DGKI: variants seen among roughly 807,000 people sequenced by gnomAD.
The protein encoded by DGKI is DAG kinase iota.
Under a neutral mutation model 147.5 loss-of-function variants are expected in DGKI, and 55 were observed. The ratio of observed to expected loss-of-function variants is 0.37; its 90% confidence interval spans 0.30 to 0.47. The LOEUF (loss-of-function observed/expected upper bound fraction) is 0.47, where lower values mean the gene tolerates loss of function less well. DGKI is among the 20% of genes least tolerant of loss of function. The pLI is 1.00. For synonymous variants in DGKI, 469 were observed against 477.1 expected (o/e 0.98, Z 0.22); for missense variants, 1,007 against 1,323.8 (o/e 0.76, Z 3.71).
chr7:137,664,919 C>T (rs1323550239), intron 3 of DGKI, among the ~76,000 whole-genome samples: 2 of 151,954 alleles, frequency 1.3e-5, no homozygotes, highest in African/African-American at 2.4e-5. Flanking sequence ...ACAGGTGGAC[C>T]AGGGAAGGTT....
intron 19 of DGKI, among the ~76,000 whole-genome samples, chr7:137,553,342 A>T (rs1525049): frequency 0.11 from 16,620 of 152,204 alleles, 2,046 homozygotes; most frequent in African/African-American, 0.3. Context: ...CTAAACTTCC[A>T]CAAGCTATCT....
At chr7:137,796,755 T>G (rs1486210965) in intron 1 of DGKI, among the ~76,000 whole-genome samples, 4 of 151,946 alleles carry the variant, frequency 2.6e-5, no homozygotes, top group African/African-American at 4.8e-5. Flanking sequence ...GCAATTGAGA[T>G]CATCCAGTTT....
In DGKI at chr7:137,501,753, A is replaced by G. The variant is rs1319954504; in HGVS notation, c.2249-14064T>C. 2.6e-5 allele frequency among the ~76,000 whole-genome samples: 4 copies of G among 152,170 alleles called. No homozygotes were observed. The East Asian group carries it at 5.8e-4, about 22-fold the overall frequency. On this transcript the variant is annotated intron_variant, in intron 21 of 32. Coordinates refer to ENST00000614521, the MANE Select transcript of DGKI (RefSeq NM_001321708.2). Reference sequence around the variant, plus strand: ...TGAGGTTAACACACATGCCAACTACATGAGCTCCCAGATGCTGAATTGAGC... The same window carrying G: ...TGAGGTTAACACACATGCCAACTACGTGAGCTCCCAGATGCTGAATTGAGC...
intron 1 of DGKI, among the ~76,000 whole-genome samples, chr7:137,759,405 G>A (rs112529088): frequency 1.8e-4 from 27 of 151,552 alleles, no homozygotes; most frequent in African/African-American, 5.1e-4. Flanking sequence ...GCGATGGCGC[G>A]ATCTCAGCTC....
intron 8 of DGKI, among the ~76,000 whole-genome samples, chr7:137,617,352 A>G (rs1469715104): frequency 1.3e-5 from 2 of 152,102 alleles, no homozygotes; most frequent in Non-Finnish European, 2.9e-5. Flanking sequence ...TACTAAGGGA[A>G]GCTTAAGAAC....
chr7:137,842,376 A>AT, intron 1 of DGKI, among the ~76,000 whole-genome samples: 1 of 152,306 alleles, frequency 6.6e-6, no homozygotes, highest in Non-Finnish European at 1.5e-5. Context: ...ATAACAGATC[A>AT]TTTTTTACAT....
intron 5 of DGKI, among the ~76,000 whole-genome samples, chr7:137,649,349 T>C (rs1289155465): frequency 6.6e-6 from 1 of 152,206 alleles, no homozygotes; most frequent in African/African-American, 2.4e-5. Context: ...TGAACTGACA[T>C]TGGATTCAGG....
chr7:137,686,658 T>A (rs1823428689), intron 2 of DGKI, among the ~76,000 whole-genome samples: 2 of 152,116 alleles, frequency 1.3e-5, no homozygotes, highest in Non-Finnish European at 2.9e-5. Flanking sequence ...AAGTATTAAG[T>A]TAATGTACCC....
intron 5 of DGKI, among the ~76,000 whole-genome samples, 180 bp from the exon 6 acceptor site, chr7:137,645,717 C>T (rs1032055669): frequency 5.9e-5 from 9 of 152,212 alleles, no homozygotes; most frequent in South Asian, 4.1e-4. Context: ...CAGGCATGAG[C>T]TACTGCACTT....
At chr7:137,628,569 T>C (rs986911639) in intron 6 of DGKI, among the ~76,000 whole-genome samples, 14 of 152,210 alleles carry the variant, frequency 9.2e-5, no homozygotes, top group African/African-American at 1.4e-4. Context: ...TCTGCTAATA[T>C]GGTACTGACA....
chr7:137,776,677 A>T (rs372228021), intron 1 of DGKI, among the ~76,000 whole-genome samples: 73 of 152,316 alleles, frequency 4.8e-4, no homozygotes, highest in African/African-American at 1.7e-3. Context: ...CACGCAATCG[A>T]TCATCTATGA....
At chr7:137,658,097 C>G (rs1822288599) in intron 3 of DGKI, among the ~76,000 whole-genome samples, 1 of 152,022 alleles carries the variant, frequency 6.6e-6, no homozygotes, top group Non-Finnish European at 1.5e-5. Context: ...TTGCACATAA[C>G]AATGATAAAA....
chr7:137,649,126 AAT>A (rs1821934292), intron 5 of DGKI, among the ~76,000 whole-genome samples: 1 of 152,188 alleles, frequency 6.6e-6, no homozygotes, highest in East Asian at 1.9e-4. Context: ...GCAAACATCC[AAT>A]ATATGTGTGT....
chr7:137,676,012 G>C (rs1447456476), intron 3 of DGKI, among the ~76,000 whole-genome samples: 1 of 152,032 alleles, frequency 6.6e-6, no homozygotes, highest in African/African-American at 2.4e-5. Flanking sequence ...AACCAACTTG[G>C]GCACCCCACT....
rs568876094 is a variant in DGKI, at chr7:137,697,950, C to A, written c.402-7948G>T. Among the ~76,000 whole-genome samples the A allele has an allele frequency of 2.0e-5, 3 of 151,604 alleles. No homozygotes were observed. In the East Asian group the frequency reaches 5.8e-4, roughly 30 times the overall value. The stretch of plus-strand genomic sequence containing the variant: ...TCTATATGTATATATAGCTATCTAT[C>A]TATCTATCTGGAGATAGCTATATAT... On this transcript the variant is annotated intron_variant, in intron 1 of 32. Coordinates refer to ENST00000614521, the MANE Select transcript of DGKI (RefSeq NM_001321708.2).
intron 17 of DGKI, among the ~76,000 whole-genome samples, chr7:137,575,715 G>A (rs1416470811): frequency 6.6e-6 from 1 of 152,146 alleles, no homozygotes; most frequent in Admixed American, 6.5e-5. Context: ...CTTGTATCTA[G>A]CTTTAAGAAG....
At chr7:137,500,181 A>G (rs900776272) in intron 21 of DGKI, among the ~76,000 whole-genome samples, 1 of 152,146 alleles carries the variant, frequency 6.6e-6, no homozygotes, top group African/African-American at 2.4e-5. Context: ...ACCCCTTTCC[A>G]GCCAAAATAT....
intron 1 of DGKI, among the ~76,000 whole-genome samples, chr7:137,786,101 A>G (rs1200856640): frequency 6.6e-6 from 1 of 152,202 alleles, no homozygotes; most frequent in Non-Finnish European, 1.5e-5. Context: ...TATTAAACAC[A>G]GTACTAGAAG....
chr7:137,720,250 CTTTTTTT>C (rs552382033), intron 1 of DGKI, among the ~76,000 whole-genome samples: 6 of 88,232 alleles, frequency 6.8e-5, no homozygotes, highest in Admixed American at 1.6e-4. Context: ...TTGAAAAAAT[CTTTTTTT>C]TTTTTTTTTT....
Sources: allele counts gnomAD v4.1 joint callset (sites outside exome capture counted in the v4.1 genomes callset), GRCh38; gene constraint gnomAD v4.1.1; transcripts MANE v1.5; gene names NCBI Gene and HGNC (gene_info 2026-07-23, HGNC 2026-07-21).